Variants in PIR observed in about 807,000 individuals in gnomAD.
The protein encoded by PIR is pirin (iron-binding nuclear protein).
Under a neutral mutation model 24.2 loss-of-function variants are expected in PIR, and 22 were observed. The observed-to-expected ratio is 0.91, with a 90% CI of 0.65 to 1.30. The LOEUF (loss-of-function observed/expected upper bound fraction) is 1.30, where lower values mean the gene tolerates loss of function less well. Among genes scored for constraint, PIR ranks in the 50% most tolerant of loss-of-function variants. The probability of loss-of-function intolerance (pLI) is 0.00; values close to 1 mark genes in which losing one functional copy is unlikely to be tolerated. For synonymous variants in PIR, 80 were observed against 79.6 expected, an observed-to-expected ratio of 1.00 and a Z score of -0.03; for missense variants, 220 against 220.3, an observed-to-expected ratio of 1.00 and a Z score of 0.01.
At chrX:15,488,154 T>C (rs1432844015) in intron 2 of PIR, among the ~76,000 whole-genome samples, 3 of 108,607 alleles carry the variant, frequency 2.8e-5, no homozygotes, top group African/African-American at 1.0e-4. Flanking sequence ...GGCGCATGCC[T>C]GTAATCCCAG....
intron 8 of PIR, among the ~76,000 whole-genome samples, chrX:15,394,081 C>T (rs184080393): frequency 3.6e-5 from 4 of 110,396 alleles, no homozygotes; most frequent in East Asian, 5.7e-4. Flanking sequence ...GACTGCTGAT[C>T]GAAGGGCATG....
At chrX:15,422,642 A>T (rs1925173585) in intron 6 of PIR, among the ~76,000 whole-genome samples, 1 of 111,528 alleles carries the variant, frequency 9.0e-6, no homozygotes. Context: ...AAATCTATAC[A>T]AGGAAAACTA....
rs770290756 is a variant in PIR, at chrX:15,396,578, AT to A, written c.693+870del. 2.7e-5 allele frequency among the ~76,000 whole-genome samples: 3 copies of A among 111,900 alleles called. No individual in the cohort carries two copies. The Admixed American group carries it at 2.9e-4, about 11-fold the overall frequency. On this transcript the variant is annotated intron_variant, in intron 8 of 9. Transcript: ENST00000380420. ...AACAGACTCACAACATGGTGACTGA[AT>A]TACTCAAGGGAATGAAATAGACATG...
chrX:15,445,486 T>A (rs1926058326), intron 5 of PIR, among the ~76,000 whole-genome samples: 1 of 112,004 alleles, frequency 8.9e-6, no homozygotes, highest in South Asian at 3.7e-4. Flanking sequence ...TATGCCTATG[T>A]AACAAACCTG....
rs1344179812 is a variant in PIR at position 15,419,656 on chromosome X, G to A, written c.565+6250C>T. 4.5e-5 allele frequency among the ~76,000 whole-genome samples: 5 copies of A among 111,029 alleles called. No homozygotes were observed. The Admixed American group carries it at 4.8e-4, about 11-fold the overall frequency. On this transcript the variant is annotated intron_variant, in intron 6 of 9. Transcript: ENST00000380420. ...CATGCCTGTAATCCCAGCACTTTGG[G>A]AGGCCGAGGTGGATGGATTACCTGA...
chrX:15,433,358 T>C (rs1313683243), intron 5 of PIR, among the ~76,000 whole-genome samples: 1 of 107,462 alleles, frequency 9.3e-6, no homozygotes, highest in Non-Finnish European at 1.9e-5. Flanking sequence ...ATGTATTATC[T>C]CAGAAACCAA....
At chrX:15,489,318 T>C (rs914084613) in intron 2 of PIR, among the ~76,000 whole-genome samples, 1 of 112,556 alleles carries the variant, frequency 8.9e-6, no homozygotes, top group Non-Finnish European at 1.9e-5. Context: ...TAATCCTATA[T>C]ATTTTATTTT....
At chrX:15,397,405 A>G (rs1031850082) in intron 8 of PIR, 44 bp downstream of exon 8, 8 of 929,068 alleles carry the variant, frequency 8.6e-6, no homozygotes, top group Non-Finnish European at 1.3e-5. Flanking sequence ...GGAAACCAGT[A>G]GAAAGTACAT....
chrX:15,487,678 G>A (rs1449262588), intron 2 of PIR, among the ~76,000 whole-genome samples: 1 of 112,293 alleles, frequency 8.9e-6, no homozygotes, highest in Non-Finnish European at 1.9e-5. Flanking sequence ...GGAGCACAGA[G>A]GAACCACTCC....
chrX:15,459,192 G>C (rs1921199840), intron 4 of PIR, among the ~76,000 whole-genome samples: 1 of 111,756 alleles, frequency 8.9e-6, no homozygotes, highest in African/African-American at 3.3e-5. Context: ...AAATGAGTTG[G>C]AAGATAAATA....
chrX:15,432,504 AAAG>A (rs1925541815), intron 5 of PIR, among the ~76,000 whole-genome samples: 2 of 111,998 alleles, frequency 1.8e-5, no homozygotes, highest in Admixed American at 1.9e-4. Context: ...TGGGCAGAAA[AAAG>A]AGAATAGCAT....
chrX:15,428,184 G>A (rs1210109362), intron 5 of PIR, among the ~76,000 whole-genome samples: 2 of 111,067 alleles, frequency 1.8e-5, no homozygotes, highest in East Asian at 5.6e-4. Context: ...GTGACATCAA[G>A]TGCAACCTGA....
At chrX:15,409,957 C>G (rs1372187594) in intron 6 of PIR, among the ~76,000 whole-genome samples, 1 of 109,926 alleles carries the variant, frequency 9.1e-6, no homozygotes, top group East Asian at 2.8e-4. Context: ...TCCTTAAAAA[C>G]TAGAACTAAC....
intron 5 of PIR, among the ~76,000 whole-genome samples, chrX:15,434,369 G>C (rs1171366222): frequency 1.9e-5 from 2 of 105,333 alleles, no homozygotes; most frequent in Non-Finnish European, 3.9e-5. Context: ...AAAGAAGGAG[G>C]AGGAGAAAAA....
Position 15,422,158 on chromosome X carries a change from A to G in PIR, c.565+3748T>C, listed in dbSNP as rs184868538. Reference sequence around the variant, plus strand: ...TAGAATGAACGTACCTCAAAATAATAAAGGCCTTATTATGACAAACCCACA... The same window carrying G: ...TAGAATGAACGTACCTCAAAATAATGAAGGCCTTATTATGACAAACCCACA... On this transcript the variant is annotated intron_variant, in intron 6 of 9. Coordinates refer to ENST00000380420, the MANE Select transcript of PIR (RefSeq NM_001018109.3). 5.8e-3 allele frequency among the ~76,000 whole-genome samples: 648 copies of G among 111,226 alleles called. 7 individuals are homozygous for G. Among genetic ancestry groups the G allele is most frequent in the African/African-American group, 0.02 (616 of 30,703 alleles).
chrX:15,460,906 G>C (rs1921272761), intron 3 of PIR, among the ~76,000 whole-genome samples: 1 of 111,520 alleles, frequency 9.0e-6, no homozygotes, highest in African/African-American at 3.3e-5. Context: ...AGACGTGTTT[G>C]CTTTTTCCAC....
At chrX:15,394,038 A>G (rs1404572631) in intron 8 of PIR, among the ~76,000 whole-genome samples, 1 of 111,122 alleles carries the variant, frequency 9.0e-6, no homozygotes, top group Admixed American at 9.6e-5. Context: ...ATTGTCTTCC[A>G]AGAAATTGGT....
At chrX:15,453,631 G>T (rs1389164184) in intron 5 of PIR, among the ~76,000 whole-genome samples, 1 of 112,511 alleles carries the variant, frequency 8.9e-6, no homozygotes, top group Non-Finnish European at 1.9e-5. Context: ...TCACTTCAGA[G>T]ATTTTATTCA....
At chrX:15,432,913 T>G (rs917663135) in intron 5 of PIR, among the ~76,000 whole-genome samples, 24 of 112,330 alleles carry the variant, frequency 2.1e-4, no homozygotes, top group Non-Finnish European at 5.6e-5. Context: ...GGTATAAGGA[T>G]GGCCATCATG....
Sources: gnomAD v4.1 joint callset for allele counts (sites outside exome capture counted in the v4.1 genomes callset) on GRCh38, gnomAD v4.1.1 for gene constraint, MANE v1.5 for transcripts, NCBI Gene and HGNC (gene_info 2026-07-23, HGNC 2026-07-21) for gene names.